CLEC2A: variants seen among roughly 807,000 people sequenced by gnomAD.
CLEC2A encodes C-type lectin domain family 2 member A, also known as keratinocyte-associated C-type lectin.
CLEC2A carries 19 observed loss-of-function variants against 18.6 expected under a neutral mutation model. The ratio of observed to expected loss-of-function variants is 1.02; its 90% confidence interval spans 0.71 to 1.50. The LOEUF (loss-of-function observed/expected upper bound fraction) is 1.50. Among genes scored for constraint, CLEC2A ranks in the 40% most tolerant of loss-of-function variants. The pLI is 0.00. For synonymous variants in CLEC2A, 74 were observed against 64.0 expected (o/e 1.16, Z -0.75); for missense variants, 190 against 207.9 (o/e 0.91, Z 0.53).
chr12:9,902,440 C>T (rs1340574481), intron 4 of CLEC2A, among the ~76,000 whole-genome samples: 2 of 151,826 alleles, frequency 1.3e-5, no homozygotes, highest in South Asian at 2.1e-4. Context: ...ATCATGTTGG[C>T]CAGGCTGGTC....
At chr12:9,928,040 C>T (rs541672611) in intron 1 of CLEC2A, among the ~76,000 whole-genome samples, 1 of 152,188 alleles carries the variant, frequency 6.6e-6, no homozygotes, top group African/African-American at 2.4e-5. Context: ...TTGACCTGAA[C>T]ATAAAACCTG....
the CLEC2A span, among the ~76,000 whole-genome samples, chr12:9,885,859 C>T: frequency 1.3e-5 from 2 of 151,906 alleles, no homozygotes; most frequent in African/African-American, 4.8e-5. Flanking sequence ...TATTTTTAGT[C>T]GTTATGAATC....
chr12:9,919,819 C>T (rs886119011), intron 3 of CLEC2A, among the ~76,000 whole-genome samples: 8 of 152,206 alleles, frequency 5.3e-5, no homozygotes, highest in African/African-American at 1.9e-4. Flanking sequence ...CCTCTGTGAG[C>T]TCTGTGCCAG....
chr12:9,897,653 G>A (rs987912901), downstream of CLEC2A, among the ~76,000 whole-genome samples: 4 of 151,604 alleles, frequency 2.6e-5, no homozygotes, highest in African/African-American at 4.8e-5. Flanking sequence ...GAAGAGGCCA[G>A]GCTCCTCCTG....
At chr12:9,925,308 A>G (rs950684133) in intron 2 of CLEC2A, among the ~76,000 whole-genome samples, 2 of 152,262 alleles carry the variant, frequency 1.3e-5, no homozygotes, top group African/African-American at 4.8e-5. Flanking sequence ...AAAGTTTTAT[A>G]GAACAAACTA....
downstream of CLEC2A, chr12:9,895,790 A>G: frequency 5.2e-6 from 8 of 1,535,584 alleles, no homozygotes; most frequent in Non-Finnish European, 7.0e-6. Flanking sequence ...GGCATTTGCC[A>G]GAGAGATGCG....
intron 3 of CLEC2A, among the ~76,000 whole-genome samples, chr12:9,919,251 A>G (rs751108129): frequency 6.6e-6 from 1 of 152,220 alleles, no homozygotes; most frequent in Non-Finnish European, 1.5e-5. Flanking sequence ...TAGTGGTTAA[A>G]GCCAATGGTC....
intron 4 of CLEC2A, among the ~76,000 whole-genome samples, chr12:9,906,858 T>C (rs969602219): frequency 3.9e-5 from 6 of 152,212 alleles, no homozygotes; most frequent in Admixed American, 2.6e-4. Context: ...TGTTCTCTTT[T>C]TAGGTTTGGA....
At chr12:9,903,273 G>A (rs1862861730) in intron 4 of CLEC2A, among the ~76,000 whole-genome samples, 1 of 152,042 alleles carries the variant, frequency 6.6e-6, no homozygotes, top group South Asian at 2.1e-4. Context: ...ATATGGAGAA[G>A]GAGATGTAGG....
chr12:9,891,232 T>C, the CLEC2A span, among the ~76,000 whole-genome samples: 1 of 150,314 alleles, frequency 6.7e-6, no homozygotes, highest in African/African-American at 2.4e-5. Flanking sequence ...TATATGTGTA[T>C]GTTGTTATTA....
intron 4 of CLEC2A, among the ~76,000 whole-genome samples, chr12:9,900,310 G>A (rs1457638745): frequency 2.6e-5 from 4 of 152,110 alleles, no homozygotes; most frequent in African/African-American, 7.2e-5. Flanking sequence ...GAACATGCAG[G>A]ATTAGTCTAA....
chr12:9,890,793 C>T, the CLEC2A span, among the ~76,000 whole-genome samples: 3 of 152,208 alleles, frequency 2.0e-5, no homozygotes, highest in African/African-American at 2.4e-5. Flanking sequence ...ATTCACAGGT[C>T]TTACCCATAG....
chr12:9,911,248 T>G (rs1862981469), downstream of CLEC2A, among the ~76,000 whole-genome samples: 1 of 152,020 alleles, frequency 6.6e-6, no homozygotes. Context: ...AGGAAAGGAA[T>G]GTAGAGTGAG....
intron 4 of CLEC2A, among the ~76,000 whole-genome samples, chr12:9,914,743 C>A (rs1591790848): frequency 6.6e-6 from 1 of 152,230 alleles, no homozygotes; most frequent in Admixed American, 6.5e-5. Flanking sequence ...AAATGTAAAA[C>A]CCCAAACCAT....
chr12:9,907,002 T>C (rs987408902), intron 4 of CLEC2A, among the ~76,000 whole-genome samples: 1 of 152,240 alleles, frequency 6.6e-6, no homozygotes, highest in African/African-American at 2.4e-5. Flanking sequence ...TGGTTTAAGA[T>C]AGTTCTAACT....
intron 1 of CLEC2A, among the ~76,000 whole-genome samples, chr12:9,930,665 G>A (rs1041278869): frequency 2.5e-4 from 38 of 151,872 alleles, no homozygotes; most frequent in African/African-American, 8.9e-4. Flanking sequence ...GTTTCAGTTT[G>A]AGGTATTTGG....
intron 1 of CLEC2A, 64 bp downstream of exon 1, chr12:9,932,211 A>C (rs1189865891): frequency 8.5e-7 from 1 of 1,176,560 alleles, no homozygotes; most frequent in African/African-American, 1.5e-5. Context: ...CCATATTTTT[A>C]AGCTGTCCTG....
chr12:9,880,297 C>G, the CLEC2A span, among the ~76,000 whole-genome samples: 6 of 152,136 alleles, frequency 3.9e-5, no homozygotes, highest in African/African-American at 1.4e-4. Context: ...GAATGAGAAG[C>G]TAAGAGGTAC....
At chr12:9,913,009 A>G (rs1863010991), downstream of CLEC2A, among the ~76,000 whole-genome samples, 1 of 152,234 alleles carries the variant, frequency 6.6e-6, no homozygotes, top group Non-Finnish European at 1.5e-5. Context: ...GGCAGCTTTG[A>G]TACAACCTTT....
Sources: gnomAD v4.1 joint callset for allele counts (sites outside exome capture counted in the v4.1 genomes callset) on GRCh38, gnomAD v4.1.1 for gene constraint, MANE v1.5 for transcripts, NCBI Gene and HGNC (gene_info 2026-07-23, HGNC 2026-07-21) for gene names.